Variants in RYR2 observed in about 807,000 individuals in gnomAD.
The protein encoded by RYR2 is cardiac muscle ryanodine receptor-calcium release channel.
RYR2 carries 227 observed loss-of-function variants against 601.1 expected under a neutral mutation model. That is an observed-to-expected ratio of 0.38 (90% CI 0.34 to 0.42). The LOEUF is 0.42. Ranked by LOEUF, RYR2 falls within the 10% of genes least tolerant of loss-of-function variation. The pLI, the probability that RYR2 is intolerant of heterozygous loss-of-function variation, is 1.00. For missense variants in RYR2, 4,646 were observed against 6,156.5 expected, an observed-to-expected ratio of 0.75 and a Z score of 8.21; for synonymous variants, 2,223 against 2,175.1, an observed-to-expected ratio of 1.02 and a Z score of -0.61.
intron 1 of RYR2, among the ~76,000 whole-genome samples, chr1:237,148,525 A>C (rs112858315): frequency 7.4e-5 from 6 of 81,530 alleles, no homozygotes; most frequent in African/African-American, 2.8e-4. Flanking sequence ...TAAAAAAAAA[A>C]AAATATATAT....
intron 54 of RYR2, among the ~76,000 whole-genome samples, chr1:237,658,620 TG>T (rs1216461616): frequency 6.6e-6 from 1 of 152,198 alleles, no homozygotes; most frequent in African/African-American, 2.4e-5. Context: ...CTCCAACTGT[TG>T]TTGGCCTCAA....
chr1:237,669,787 C>T (rs1219892498), intron 58 of RYR2, among the ~76,000 whole-genome samples: 3 of 150,496 alleles, frequency 2.0e-5, no homozygotes, highest in South Asian at 2.1e-4. Flanking sequence ...CGGGCAGAGA[C>T]GCTCCTCACT....
At chr1:237,132,679 G>A (rs978690668) in intron 1 of RYR2, among the ~76,000 whole-genome samples, 1 of 152,156 alleles carries the variant, frequency 6.6e-6, no homozygotes, top group Non-Finnish European at 1.5e-5. Context: ...GGGACTCACA[G>A]AAGGAAAAGA....
Position 237,173,669 on chromosome 1 carries a change from G to A in RYR2, c.49-96828G>A, listed in dbSNP as rs778274162. On this transcript the variant is annotated intron_variant, in intron 1 of 104. Coordinates refer to ENST00000366574, the MANE Select transcript of RYR2 (RefSeq NM_001035.3). The stretch of plus-strand genomic sequence containing the variant: ...ACACCGCAAATACCTGTCTATACAC[G>A]CACACAGTTTATATGTGTGATTCTT... Among the ~76,000 whole-genome samples the A allele has an allele frequency of 7.0e-4, 106 of 152,236 alleles. 1 individual carries two copies. The highest frequency in any genetic ancestry group is 2.3e-3 in the African/African-American group (95 of 41,554).
intron 1 of RYR2, among the ~76,000 whole-genome samples, chr1:237,255,631 AT>A (rs1222527448): frequency 6.6e-6 from 1 of 152,064 alleles, no homozygotes; most frequent in Non-Finnish European, 1.5e-5. Context: ...GGCAGTTTCA[AT>A]TTTTTTCACA....
At chr1:237,071,787 C>A (rs1664367629) in intron 1 of RYR2, among the ~76,000 whole-genome samples, 1 of 152,194 alleles carries the variant, frequency 6.6e-6, no homozygotes, top group Admixed American at 6.5e-5. Context: ...GCTGTGCACA[C>A]CGAGGGGTGC....
chr1:237,061,526 A>G (rs12034700), intron 1 of RYR2, among the ~76,000 whole-genome samples: 28,953 of 152,120 alleles, frequency 0.19, 2,825 homozygotes, highest in African/African-American at 0.2. Context: ...TGCCAAGGCT[A>G]GTCTCAATCT....
At chr1:237,094,203 T>C (rs1395987052) in intron 1 of RYR2, among the ~76,000 whole-genome samples, 2 of 152,238 alleles carry the variant, frequency 1.3e-5, no homozygotes, top group Non-Finnish European at 2.9e-5. Flanking sequence ...TCAGCTTACA[T>C]GCACTTAAGG....
At chr1:237,739,319 T>C (rs1169915781) in intron 79 of RYR2, among the ~76,000 whole-genome samples, 1 of 152,228 alleles carries the variant, frequency 6.6e-6, no homozygotes, top group Non-Finnish European at 1.5e-5. Flanking sequence ...AGAACTTCAG[T>C]GCATCCCATC....
intron 8 of RYR2, among the ~76,000 whole-genome samples, chr1:237,381,033 G>A (rs978964504): frequency 2.0e-5 from 3 of 151,888 alleles, no homozygotes; most frequent in Admixed American, 6.6e-5. Flanking sequence ...AGCTGAGATC[G>A]CACCATTGCA....
chr1:237,396,928 G>A (rs960707510), intron 10 of RYR2, among the ~76,000 whole-genome samples: 7 of 152,092 alleles, frequency 4.6e-5, no homozygotes, highest in Non-Finnish European at 2.9e-5. Flanking sequence ...AAATCTTTGG[G>A]ATCATAGAGT....
At position 237,726,565 on chromosome 1, in the gene RYR2, T is replaced by C. The variant is rs140499801; in HGVS notation, c.10725+257T>C. Among the ~76,000 whole-genome samples, 131 of 152,252 alleles carry C rather than the reference T, an allele frequency of 8.6e-4. 1 individual carries two copies. In the East Asian group the frequency reaches 0.014, roughly 16 times the overall value. On this transcript the variant is annotated intron_variant, in intron 75 of 104. Coordinates refer to ENST00000366574, the MANE Select transcript of RYR2 (RefSeq NM_001035.3). ...ACTGTGTTCACAAAGCGTTGTCTTC[T>C]TCTCTTTATCCTGCTGTATTAAAGA...
intron 100 of RYR2, among the ~76,000 whole-genome samples, chr1:237,809,541 C>T (rs1574047544): frequency 6.6e-6 from 1 of 152,092 alleles, no homozygotes; most frequent in Non-Finnish European, 1.5e-5. Flanking sequence ...TGCTTTATAT[C>T]GCTGTTCTAC....
chr1:237,680,862 C>T (rs1480941879), intron 62 of RYR2, among the ~76,000 whole-genome samples: 1 of 152,200 alleles, frequency 6.6e-6, no homozygotes. Flanking sequence ...ATGCATCACC[C>T]TATTAGTATT....
intron 12 of RYR2, among the ~76,000 whole-genome samples, chr1:237,437,459 A>T (rs764495124): frequency 2.0e-5 from 3 of 152,204 alleles, no homozygotes; most frequent in Non-Finnish European, 4.4e-5. Flanking sequence ...CACAGTTTTT[A>T]TGGGAAATCT....
Position 237,784,812 on chromosome 1 carries a change from A to T in RYR2, c.13100A>T (p.Lys4367Met). The T allele has an allele frequency of 6.2e-7, 1 of 1,613,404 alleles. No homozygotes were observed. The highest frequency in any genetic ancestry group is 8.5e-7 in the Non-Finnish European group (1 of 1,179,486). Residue 4367 changes from lysine (K) to methionine (M), a missense_variant, in exon 90 of 105, where the codon AAG (lysine) becomes ATG (methionine). Around this residue, in one of 17 missense-constraint regions of RYR2, gnomAD observed 364 missense variants for 442.9 expected, o/e 0.82. Transcript: ENST00000366574. The surrounding 1 kb of genome is among the most constrained non-coding windows in gnomAD (Gnocchi z 7.1). The stretch of plus-strand genomic sequence containing the variant: ...CCCTCCGAGGATCTGACCGACTTAA[A>T]GGAGCTGACAGAGGAAAGTGACCTT... ...ALPSEDLTDLKELTEESDLLS... is the reference protein window; with the variant it reads ...ALPSEDLTDLMELTEESDLLS...
At chr1:237,119,062 G>A (rs551312340) in intron 1 of RYR2, among the ~76,000 whole-genome samples, 2 of 152,196 alleles carry the variant, frequency 1.3e-5, no homozygotes, top group Non-Finnish European at 2.9e-5. Flanking sequence ...TAACCCCCTA[G>A]TACCTTAGAA....
At chr1:237,310,733 T>C (rs1326325105) in intron 2 of RYR2, among the ~76,000 whole-genome samples, 2 of 152,250 alleles carry the variant, frequency 1.3e-5, no homozygotes, top group Non-Finnish European at 2.9e-5. Context: ...CTGTCTCAGA[T>C]ACTTTTTGGT....
chr1:237,494,751 C>T (rs552152912), intron 19 of RYR2, among the ~76,000 whole-genome samples: 1 of 152,252 alleles, frequency 6.6e-6, no homozygotes, highest in East Asian at 1.9e-4. Context: ...TAACTTCCTC[C>T]TGTTTTAAAC....
Sources: allele counts gnomAD v4.1 joint callset (sites outside exome capture counted in the v4.1 genomes callset), GRCh38; gene constraint gnomAD v4.1.1; regional missense constraint gnomAD v4.1.1; non-coding constraint Gnocchi (gnomAD v3.1); transcripts MANE v1.5; gene names NCBI Gene and HGNC (gene_info 2026-07-23, HGNC 2026-07-21).